Variants in SCLT1 observed in about 807,000 individuals in gnomAD.
The protein encoded by SCLT1 is sodium channel and clathrin linker 1.
A neutral mutation model predicts 112.8 loss-of-function variants in SCLT1; 78 were observed. The observed-to-expected ratio is 0.69, with a 90% CI of 0.58 to 0.83. The LOEUF is 0.83. Among genes scored for constraint, SCLT1 ranks in the 40% least tolerant of loss-of-function variants. The probability of loss-of-function intolerance (pLI) is 0.00; values close to 1 mark genes in which losing one functional copy is unlikely to be tolerated. For missense variants in SCLT1, 747 were observed against 770.4 expected (o/e 0.97, Z 0.36); for synonymous variants, 257 against 254.7 (o/e 1.01, Z -0.09).
chr4:128,965,413 A>T, intron 10 of SCLT1, 95 bp from the exon 11 acceptor site: 1 of 761,858 alleles, frequency 1.3e-6, no homozygotes, highest in Non-Finnish European at 2.3e-6. Context: ...CTATAAAGTT[A>T]TTATGCTATT....
At chr4:129,060,031 ATATT>A (rs1182034713) in intron 2 of SCLT1, among the ~76,000 whole-genome samples, 2 of 152,086 alleles carry the variant, frequency 1.3e-5, no homozygotes, top group Admixed American at 6.5e-5. Flanking sequence ...AGCCTTTGTT[ATATT>A]TATTTTTTTC....
chr4:129,065,421 T>C (rs532843600), intron 2 of SCLT1, among the ~76,000 whole-genome samples: 3 of 152,168 alleles, frequency 2.0e-5, no homozygotes, highest in South Asian at 4.1e-4. Flanking sequence ...TTAATGTTCA[T>C]AATAAAACAG....
At chr4:128,941,360 T>A (rs1737678777) in intron 17 of SCLT1, among the ~76,000 whole-genome samples, 1 of 152,150 alleles carries the variant, frequency 6.6e-6, no homozygotes, top group Non-Finnish European at 1.5e-5. Context: ...TCTGGTGGTG[T>A]GTAGTGTTAT....
chr4:128,996,829 C>T (rs1490994175), intron 8 of SCLT1, among the ~76,000 whole-genome samples: 4 of 151,948 alleles, frequency 2.6e-5, no homozygotes, highest in African/African-American at 7.2e-5. Flanking sequence ...ATACAACATC[C>T]TTTTCCCATG....
At position 128,888,686 on chromosome 4, in the gene SCLT1, G is replaced by C. The variant is rs1480558026; in HGVS notation, c.1997C>G (p.Ser666Cys). ...TAAGAGGATGCTCCCTACCTGCTGG[G>C]AAGCTGAAGCAGCTCTCTCTTCTGC... ...SQAEERAASA[S>C]QQLSVITVQR... Residue 666 changes from serine (S) to cysteine (C), a missense_variant, in exon 20 of 21, where the codon TCC becomes TGC. Around this residue, in one of 2 missense-constraint regions of SCLT1, gnomAD observed 24 missense variants for 49.1 expected, o/e 0.49. Coordinates refer to ENST00000281142, the MANE Select transcript of SCLT1 (RefSeq NM_144643.4). 6.2e-7 allele frequency: 1 copy of C among 1,604,664 alleles called. No homozygotes were observed. The highest frequency in any genetic ancestry group is 8.5e-7 in the Non-Finnish European group (1 of 1,172,420).
At chr4:128,965,190 A>T (rs1258548023) in intron 11 of SCLT1, 37 bp downstream of exon 11, 1 of 1,017,204 alleles carries the variant, frequency 9.8e-7, no homozygotes, top group African/African-American at 1.6e-5. Context: ...TATCTTTTAA[A>T]GCATATCAAC....
At chr4:128,947,446 T>C (rs1214240736) in intron 15 of SCLT1, among the ~76,000 whole-genome samples, 1 of 152,200 alleles carries the variant, frequency 6.6e-6, no homozygotes, top group Non-Finnish European at 1.5e-5. Context: ...TTTTGCTTTG[T>C]GTATTACTCT....
intron 11 of SCLT1, among the ~76,000 whole-genome samples, chr4:128,963,143 T>A (rs1195214078): frequency 6.6e-6 from 1 of 152,162 alleles, no homozygotes. Flanking sequence ...TAATTTTCTT[T>A]CCCTAACAAT....
intron 15 of SCLT1, among the ~76,000 whole-genome samples, chr4:128,948,094 G>T (rs181208066): frequency 5.4e-4 from 82 of 152,194 alleles, no homozygotes; most frequent in African/African-American, 1.8e-3. Context: ...TAAGAAAAGT[G>T]TGAGGCTGAG....
At chr4:128,973,689 C>T (rs936056022) in intron 9 of SCLT1, among the ~76,000 whole-genome samples, 6 of 151,808 alleles carry the variant, frequency 4.0e-5, no homozygotes, top group South Asian at 4.2e-4. Flanking sequence ...AATGAAATCT[C>T]CTGCTACATA....
chr4:129,078,364 C>A (rs796815581), intron 2 of SCLT1, among the ~76,000 whole-genome samples: 36 of 152,210 alleles, frequency 2.4e-4, no homozygotes, highest in African/African-American at 8.4e-4. Flanking sequence ...TTACCGTGGC[C>A]AGAGTCATCT....
chr4:128,898,263 A>C (rs1011894218), intron 18 of SCLT1, among the ~76,000 whole-genome samples: 1 of 152,230 alleles, frequency 6.6e-6, no homozygotes, highest in Non-Finnish European at 1.5e-5. Context: ...AATTGACCAC[A>C]TAGTTGGAAG....
At chr4:129,031,158 G>A (rs1265928825) in intron 5 of SCLT1, among the ~76,000 whole-genome samples, 2 of 151,964 alleles carry the variant, frequency 1.3e-5, no homozygotes, top group East Asian at 1.9e-4. Context: ...CTGGTTCAAC[G>A]TATGCAAATC....
intron 17 of SCLT1, among the ~76,000 whole-genome samples, chr4:128,937,555 T>C (rs865963899): frequency 6.6e-6 from 1 of 152,200 alleles, no homozygotes; most frequent in Non-Finnish European, 1.5e-5. Flanking sequence ...CAAACCACTT[T>C]TGACTTACAT....
chr4:129,031,305 C>T (rs1746698567), intron 5 of SCLT1, among the ~76,000 whole-genome samples: 1 of 152,060 alleles, frequency 6.6e-6, no homozygotes, highest in Admixed American at 6.6e-5. Flanking sequence ...ATTAATGGAG[C>T]ATTTCTCAAA....
At chr4:129,025,138 C>G (rs1482968925) in intron 5 of SCLT1, among the ~76,000 whole-genome samples, 1 of 152,184 alleles carries the variant, frequency 6.6e-6, no homozygotes, top group Non-Finnish European at 1.5e-5. Context: ...GGATATTATT[C>G]AGGAGAACTT....
intron 14 of SCLT1, among the ~76,000 whole-genome samples, chr4:128,950,049 T>A (rs994484009): frequency 6.6e-6 from 1 of 152,122 alleles, no homozygotes; most frequent in African/African-American, 2.4e-5. Flanking sequence ...TACAAATCAG[T>A]TGACAAATTT....
chr4:129,057,900 CA>C (rs1394158248), intron 2 of SCLT1, among the ~76,000 whole-genome samples: 3 of 151,930 alleles, frequency 2.0e-5, no homozygotes. Context: ...TACAGGCACC[CA>C]CCACCACGCC....
At chr4:129,006,288 C>G (rs1579671295) in intron 5 of SCLT1, among the ~76,000 whole-genome samples, 2 of 151,982 alleles carry the variant, frequency 1.3e-5, no homozygotes, top group East Asian at 3.9e-4. Context: ...ACCTGTAATC[C>G]CAGCATTTTG....
Sources: gnomAD v4.1 joint callset for allele counts (sites outside exome capture counted in the v4.1 genomes callset) on GRCh38, gnomAD v4.1.1 for gene constraint, gnomAD v4.1.1 regional missense constraint, MANE v1.5 for transcripts, NCBI Gene and HGNC (gene_info 2026-07-23, HGNC 2026-07-21) for gene names.